ST8SIA1: variants seen among roughly 807,000 people sequenced by gnomAD.
The protein encoded by ST8SIA1 is ST8 alpha-N-acetyl-neuraminide alpha-2,8-sialyltransferase 1.
A neutral mutation model predicts 35.9 loss-of-function variants in ST8SIA1; 16 were observed. The ratio of observed to expected loss-of-function variants is 0.45; its 90% CI spans 0.30 to 0.68. The LOEUF is 0.68. Ranked by LOEUF, ST8SIA1 falls within the 30% of genes least tolerant of loss-of-function variation. The probability of loss-of-function intolerance (pLI) is 0.09; values close to 1 mark genes in which losing one functional copy is unlikely to be tolerated. For missense variants in ST8SIA1, 383 were observed against 453.6 expected, an observed-to-expected ratio of 0.84 and a Z score of 1.41; for synonymous variants, 170 against 169.6, an observed-to-expected ratio of 1.00 and a Z score of -0.02.
chr12:22,319,934 C>T (rs1456369321), intron 1 of ST8SIA1, among the ~76,000 whole-genome samples: 1 of 152,084 alleles, frequency 6.6e-6, no homozygotes, highest in Non-Finnish European at 1.5e-5. Flanking sequence ...AGAAACAGTT[C>T]AAGACATTCA....
chr12:22,248,096 A>C (rs1348771701), intron 4 of ST8SIA1, among the ~76,000 whole-genome samples: 3 of 152,346 alleles, frequency 2.0e-5, no homozygotes, highest in Non-Finnish European at 4.4e-5. Flanking sequence ...AATATCTCCC[A>C]AAATTAAAAG....
chr12:22,275,449 G>C (rs955029265), intron 2 of ST8SIA1, among the ~76,000 whole-genome samples: 2 of 152,162 alleles, frequency 1.3e-5, no homozygotes, highest in African/African-American at 4.8e-5. Context: ...CAGCTACTCG[G>C]AGGCTGAGGC....
intron 1 of ST8SIA1, among the ~76,000 whole-genome samples, chr12:22,309,055 G>A (rs775545131): frequency 2.6e-5 from 4 of 152,054 alleles, no homozygotes; most frequent in Admixed American, 1.3e-4. Context: ...GACCTACGAT[G>A]GACCATCAGG....
intron 1 of ST8SIA1, among the ~76,000 whole-genome samples, chr12:22,313,169 A>T (rs1319506993): frequency 6.6e-6 from 1 of 152,204 alleles, no homozygotes; most frequent in East Asian, 1.9e-4. Context: ...CAACTGCACA[A>T]TAGAAATTAA....
chr12:22,238,765 GATA>G lies in ST8SIA1; in HGVS notation c.584+10238_584+10240del, dbSNP rs1410103678. ...CAAATCATCTGCAAAAATAATGTAT[GATA>G]ATAATTATTGTTTTATACAGATAAA... is the stretch of plus-strand genomic sequence containing the variant. On this transcript the variant is annotated intron_variant, in intron 4 of 4. Transcript: ENST00000396037. Among the ~76,000 whole-genome samples, 4 of 152,100 alleles carry G rather than the reference GATA, an allele frequency of 2.6e-5. No homozygotes were observed. The East Asian group carries it at 5.8e-4, about 22-fold the overall frequency.
intron 2 of ST8SIA1, among the ~76,000 whole-genome samples, chr12:22,279,638 A>G (rs1866010803): frequency 6.6e-6 from 1 of 152,358 alleles, no homozygotes; most frequent in South Asian, 2.1e-4. Flanking sequence ...TGCATTCTGC[A>G]TACTAGCAGC....
At chr12:22,243,868 CA>C (rs1244008409) in intron 4 of ST8SIA1, among the ~76,000 whole-genome samples, 2 of 152,004 alleles carry the variant, frequency 1.3e-5, no homozygotes, top group Non-Finnish European at 2.9e-5. Flanking sequence ...CCCGTCTCTA[CA>C]AAAAATACAA....
At chr12:22,267,582 A>C (rs1865863403) in intron 2 of ST8SIA1, among the ~76,000 whole-genome samples, 1 of 152,152 alleles carries the variant, frequency 6.6e-6, no homozygotes, top group South Asian at 2.1e-4. Flanking sequence ...CTCTGCATAC[A>C]AGCATCCAAT....
rs1221508236 is a variant in ST8SIA1 at position 22,318,763 on chromosome 12, C to A, written c.236+15234G>T. Among the ~76,000 whole-genome samples the A allele has an allele frequency of 3.3e-5, 5 of 152,188 alleles. No homozygotes were observed. The East Asian group carries it at 9.6e-4, about 29-fold the overall frequency. ...TCACCTATACAAAATGAAATTTTAT[C>A]ATTTGCGATTCATTCCTTTGCAGTA... On this transcript the variant is annotated intron_variant, in intron 1 of 4. Coordinates refer to ENST00000396037, the MANE Select transcript of ST8SIA1 (RefSeq NM_003034.4).
chr12:22,278,417 C>T (rs1865995896), intron 2 of ST8SIA1, among the ~76,000 whole-genome samples: 1 of 152,128 alleles, frequency 6.6e-6, no homozygotes, highest in African/African-American at 2.4e-5. Context: ...CCTTGGGTGT[C>T]ATAGTCAAAG....
At chr12:22,255,454 T>C (rs775792520) in intron 2 of ST8SIA1, 65 bp from the exon 3 acceptor site, 7 of 1,341,142 alleles carry the variant, frequency 5.2e-6, no homozygotes, top group Non-Finnish European at 7.5e-6. Flanking sequence ...AAAATCATTG[T>C]TTACAGCAGA....
chr12:22,232,639 A>G (rs1865432593), intron 4 of ST8SIA1, among the ~76,000 whole-genome samples: 2 of 152,186 alleles, frequency 1.3e-5, no homozygotes, highest in African/African-American at 4.8e-5. Context: ...GGATATACAT[A>G]TAGTATTTAA....
At chr12:22,213,128 G>A (rs1865192777) in intron 4 of ST8SIA1, among the ~76,000 whole-genome samples, 1 of 152,074 alleles carries the variant, frequency 6.6e-6, no homozygotes, top group African/African-American at 2.4e-5. Flanking sequence ...CATGAAGATA[G>A]TTTCAACATC....
intron 2 of ST8SIA1, among the ~76,000 whole-genome samples, chr12:22,261,503 G>C (rs1865791416): frequency 6.6e-6 from 1 of 152,106 alleles, no homozygotes; most frequent in Admixed American, 6.5e-5. Context: ...ATCATTGCAG[G>C]TATCATATCT....
intron 4 of ST8SIA1, among the ~76,000 whole-genome samples, chr12:22,214,823 G>A (rs983561785): frequency 6.6e-6 from 1 of 152,138 alleles, no homozygotes; most frequent in Admixed American, 6.6e-5. Context: ...TTTAAGCCTT[G>A]CAGTAACTCT....
At chr12:22,330,304 A>G (rs1591860849) in intron 1 of ST8SIA1, among the ~76,000 whole-genome samples, 1 of 152,306 alleles carries the variant, frequency 6.6e-6, no homozygotes, top group Non-Finnish European at 1.5e-5. Context: ...ACAATCACGT[A>G]TTAAACAGAG....
intron 1 of ST8SIA1, among the ~76,000 whole-genome samples, chr12:22,331,320 C>T (rs940147509): frequency 6.6e-6 from 1 of 152,170 alleles, no homozygotes; most frequent in Non-Finnish European, 1.5e-5. Flanking sequence ...TCACTGCTAT[C>T]CCCCAGGGCC....
At chr12:22,202,770 GGA>G (rs1294239836) in intron 4 of ST8SIA1, among the ~76,000 whole-genome samples, 1 of 152,148 alleles carries the variant, frequency 6.6e-6, no homozygotes, top group East Asian at 1.9e-4. Flanking sequence ...CTGGAAAGAG[GGA>G]GTGTGGTCCA....
At chr12:22,255,073 T>C (rs904998355) in intron 3 of ST8SIA1, among the ~76,000 whole-genome samples, 1 of 152,174 alleles carries the variant, frequency 6.6e-6, no homozygotes, top group African/African-American at 2.4e-5. Context: ...GCCTGAGCCT[T>C]CTTGGCTTTG....
Sources: gnomAD v4.1 joint callset for allele counts (sites outside exome capture counted in the v4.1 genomes callset) on GRCh38, gnomAD v4.1.1 for gene constraint, MANE v1.5 for transcripts, NCBI Gene and HGNC (gene_info 2026-07-23, HGNC 2026-07-21) for gene names.